The following RASSF8 variants were observed in gnomAD, a reference collection of about 807,000 sequenced individuals.
The protein encoded by RASSF8 is ras association domain-containing protein 8.
RASSF8 carries 22 observed loss-of-function variants against 48.5 expected under a neutral mutation model. That is an observed-to-expected ratio of 0.45 (90% CI 0.32 to 0.65). The LOEUF (loss-of-function observed/expected upper bound fraction) is 0.65. RASSF8 is among the 30% of genes least tolerant of loss of function. The pLI is 0.03. For synonymous variants in RASSF8, 127 were observed against 171.5 expected, an observed-to-expected ratio of 0.74 and a Z score of 2.03; for missense variants, 418 against 489.2, an observed-to-expected ratio of 0.85 and a Z score of 1.37.
chr12:25,963,343 A>AG (rs1565594774), intron 1 of RASSF8, among the ~76,000 whole-genome samples: 1 of 141,232 alleles, frequency 7.1e-6, no homozygotes, highest in Non-Finnish European at 1.5e-5. Flanking sequence ...AAAAAAAAAA[A>AG]GTCTCATGAC....
intron 2 of RASSF8, among the ~76,000 whole-genome samples, chr12:26,008,598 A>G (rs1187177260): frequency 6.6e-6 from 1 of 152,208 alleles, no homozygotes; most frequent in African/African-American, 2.4e-5. Context: ...TCTTATGTTA[A>G]GAAGTAGAAA....
At chr12:26,017,437 GCTA>G (rs1370737708) in intron 2 of RASSF8, among the ~76,000 whole-genome samples, 1 of 152,200 alleles carries the variant, frequency 6.6e-6, no homozygotes, top group African/African-American at 2.4e-5. Flanking sequence ...GAACTTAAGA[GCTA>G]CTACTACTAA....
intron 3 of RASSF8, among the ~76,000 whole-genome samples, chr12:26,059,058 TA>T (rs1943680955): frequency 6.6e-6 from 1 of 152,230 alleles, no homozygotes; most frequent in Admixed American, 6.5e-5. Flanking sequence ...TTTCAGAGTC[TA>T]AACTGCTTCT....
At chr12:25,964,512 T>C (rs1452123465) in intron 1 of RASSF8, among the ~76,000 whole-genome samples, 1 of 152,212 alleles carries the variant, frequency 6.6e-6, no homozygotes, top group Non-Finnish European at 1.5e-5. Flanking sequence ...TTTGTCACTG[T>C]TGTTATATTT....
intron 2 of RASSF8, among the ~76,000 whole-genome samples, chr12:26,014,589 T>TC (rs1942603373): frequency 6.6e-6 from 1 of 152,198 alleles, no homozygotes; most frequent in South Asian, 2.1e-4. Flanking sequence ...TCAGGTTGAT[T>TC]ACTGATTCAT....
Position 26,055,224 on chromosome 12 carries a change from G to A in RASSF8, c.-108-12G>A. On this transcript the variant is annotated splice_polypyrimidine_tract_variant and intron_variant, in intron 2 of 5. Coordinates refer to ENST00000689635, the MANE Select transcript of RASSF8 (RefSeq NM_001394098.1). ...TTCATTTTATTACAAGTGATTTTTT[G>A]CCCTTTTTTAGCTGACTACACAGAC... 1.4e-6 allele frequency: 1 copy of A among 721,938 alleles called. No individual in the cohort carries two copies. The highest frequency in any genetic ancestry group is 2.4e-5 in the Admixed American group (1 of 41,950). The allele number at this position is 721,938 out of a possible 1,614,324, so 44.7% of individuals were successfully genotyped here.
chr12:26,040,816 A>C (rs746368072), intron 2 of RASSF8, among the ~76,000 whole-genome samples: 4 of 151,946 alleles, frequency 2.6e-5, no homozygotes, highest in African/African-American at 9.7e-5. Context: ...ATTTGAGTTC[A>C]GTTTGTTAGA....
intron 2 of RASSF8, among the ~76,000 whole-genome samples, chr12:26,008,608 A>G (rs1464854172): frequency 6.6e-6 from 1 of 152,228 alleles, no homozygotes; most frequent in Non-Finnish European, 1.5e-5. Flanking sequence ...AGAAGTAGAA[A>G]TATAGTGATT....
chr12:26,055,123 G>T (rs1943574126), intron 2 of RASSF8, 113 bp from the exon 3 acceptor site: 2 of 516,258 alleles, frequency 3.9e-6, no homozygotes, highest in Non-Finnish European at 3.5e-6. Flanking sequence ...AAATAAGCCT[G>T]TGTACTTCAG....
intron 1 of RASSF8, among the ~76,000 whole-genome samples, chr12:25,977,671 C>CA (rs111553798): frequency 0.14 from 19,122 of 140,222 alleles, 1,836 homozygotes; most frequent in African/African-American, 0.29. Flanking sequence ...ATTTGTAAGG[C>CA]AAAAAAAAAA....
At chr12:26,079,045 T>C (rs1944095305) in exon 6 of RASSF8, 1 of 1,547,044 alleles carries the variant, frequency 6.5e-7, no homozygotes, top group East Asian at 2.4e-5. Flanking sequence ...ATCATCATTC[T>C]TTCTGATAAG....
intron 2 of RASSF8, among the ~76,000 whole-genome samples, chr12:26,042,410 G>A (rs1943284407): frequency 6.6e-6 from 1 of 152,126 alleles, no homozygotes; most frequent in Non-Finnish European, 1.5e-5. Flanking sequence ...AGTCTGCATT[G>A]TTTACTTTAT....
intron 2 of RASSF8, among the ~76,000 whole-genome samples, chr12:25,997,429 A>G (rs1187722460): frequency 6.6e-6 from 1 of 152,134 alleles, no homozygotes; most frequent in African/African-American, 2.4e-5. Context: ...TAGTTTAAAA[A>G]TACTCTCAAT....
intron 1 of RASSF8, among the ~76,000 whole-genome samples, chr12:25,965,054 C>A (rs200183568): frequency 3.3e-5 from 5 of 151,742 alleles, no homozygotes; most frequent in African/African-American, 1.2e-4. Flanking sequence ...GCCATTCTCC[C>A]GCCTCAGCCT....
At chr12:26,068,675 G>T (rs913342506) in intron 5 of RASSF8, 22 bp from the exon 6 acceptor site, 1 of 1,515,242 alleles carries the variant, frequency 6.6e-7, no homozygotes, top group African/African-American at 1.4e-5. Flanking sequence ...TCATCAGGTG[G>T]CTCTCTTTGT....
At chr12:26,077,562 C>A (rs990897608), downstream of RASSF8, among the ~76,000 whole-genome samples, 2 of 152,098 alleles carry the variant, frequency 1.3e-5, no homozygotes, top group African/African-American at 4.8e-5. Context: ...TGTCAAAGAT[C>A]AGATGGTTGT....
chr12:25,981,096 C>A (rs1008624166), intron 1 of RASSF8, among the ~76,000 whole-genome samples: 1 of 152,074 alleles, frequency 6.6e-6, no homozygotes, highest in Non-Finnish European at 1.5e-5. Context: ...CTGGCTCACT[C>A]CTGTTGTTCT....
At chr12:26,027,499 G>A (rs1313132137) in intron 2 of RASSF8, among the ~76,000 whole-genome samples, 1 of 152,156 alleles carries the variant, frequency 6.6e-6, no homozygotes, top group African/African-American at 2.4e-5. Flanking sequence ...CAGATGAATG[G>A]GTATTTATCT....
chr12:26,073,411 A>G (rs1555171899), downstream of RASSF8, among the ~76,000 whole-genome samples: 1 of 152,142 alleles, frequency 6.6e-6, no homozygotes, highest in Non-Finnish European at 1.5e-5. Context: ...TTATAGGAAT[A>G]TTTTTATAAG....
Sources: allele counts gnomAD v4.1 joint callset (sites outside exome capture counted in the v4.1 genomes callset), GRCh38; gene constraint gnomAD v4.1.1; transcripts MANE v1.5; gene names NCBI Gene and HGNC (gene_info 2026-07-23, HGNC 2026-07-21).